The following SCARA5 variants were observed in gnomAD, a reference collection of about 807,000 sequenced individuals.
The protein encoded by SCARA5 is scavenger receptor class A member 5.
In SCARA5, 45 loss-of-function variants were observed where a neutral mutation model predicts 46.3. That is an observed-to-expected ratio of 0.97 (90% CI 0.76 to 1.24). The LOEUF (loss-of-function observed/expected upper bound fraction) is 1.24. Among genes scored for constraint, SCARA5 ranks in the 50% most tolerant of loss-of-function variants. The pLI is 0.00. For missense variants in SCARA5, 680 were observed against 689.0 expected, an observed-to-expected ratio of 0.99 and a Z score of 0.15; for synonymous variants, 333 against 306.5, an observed-to-expected ratio of 1.09 and a Z score of -0.90.
At chr8:27,910,835 G>A (rs1288603930) in intron 4 of SCARA5, among the ~76,000 whole-genome samples, 1 of 152,200 alleles carries the variant, frequency 6.6e-6, no homozygotes, top group Admixed American at 6.5e-5. Context: ...TCTCCCGAGT[G>A]GGGCTGCCCT....
chr8:27,924,029 G>T (rs1807643312), intron 3 of SCARA5, among the ~76,000 whole-genome samples: 1 of 152,166 alleles, frequency 6.6e-6, no homozygotes, highest in African/African-American at 2.4e-5. Context: ...TTAGAATCTA[G>T]CATCCTTGTA....
chr8:27,872,215 A>C, intron 8 of SCARA5, 145 bp from the exon 9 acceptor site: 1 of 712,386 alleles, frequency 1.4e-6, no homozygotes. Flanking sequence ...ACGCCCCCCG[A>C]AGACCTCATA....
chr8:27,906,726 AG>A (rs1478051386), intron 6 of SCARA5, among the ~76,000 whole-genome samples: 1 of 152,200 alleles, frequency 6.6e-6, no homozygotes, highest in Non-Finnish European at 1.5e-5. Flanking sequence ...TTTGTTTTAG[AG>A]ATGAGCTCTT....
intron 6 of SCARA5, among the ~76,000 whole-genome samples, chr8:27,905,263 A>G (rs962168820): frequency 6.6e-6 from 1 of 152,136 alleles, no homozygotes; most frequent in African/African-American, 2.4e-5. Flanking sequence ...ACCATAAAAC[A>G]TAAGTGTGAG....
intron 4 of SCARA5, among the ~76,000 whole-genome samples, chr8:27,913,099 T>G (rs1446271751): frequency 6.6e-6 from 1 of 152,218 alleles, no homozygotes; most frequent in African/African-American, 2.4e-5. Context: ...CAAGCGCACC[T>G]GAAATCACCC....
At chr8:27,966,376 C>T in intron 3 of SCARA5, 38 bp downstream of exon 3, 1 of 1,560,632 alleles carries the variant, frequency 6.4e-7, no homozygotes, top group Non-Finnish European at 8.6e-7. Context: ...CTTCCTTCCT[C>T]ATCCCAAAAG....
intron 2 of SCARA5, among the ~76,000 whole-genome samples, chr8:27,972,351 CA>C (rs1011317773): frequency 5.5e-5 from 8 of 146,128 alleles, no homozygotes; most frequent in African/African-American, 1.5e-4. Flanking sequence ...AAAAACAAAA[CA>C]AAAAAAAACA....
At chr8:27,874,302 C>T (rs1373990656) in intron 8 of SCARA5, among the ~76,000 whole-genome samples, 1 of 152,140 alleles carries the variant, frequency 6.6e-6, no homozygotes, top group Non-Finnish European at 1.5e-5. Context: ...ACTGAGGCCC[C>T]AGAAAGATTG....
intron 2 of SCARA5, among the ~76,000 whole-genome samples, chr8:27,969,526 C>T (rs1036394299): frequency 1.3e-5 from 2 of 152,066 alleles, no homozygotes; most frequent in East Asian, 3.8e-4. Flanking sequence ...AGGCGGAGCA[C>T]GGGGGATTTT....
intron 3 of SCARA5, among the ~76,000 whole-genome samples, chr8:27,934,331 G>A (rs1331135651): frequency 2.6e-5 from 4 of 152,154 alleles, no homozygotes; most frequent in Non-Finnish European, 5.9e-5. Context: ...AGGCAAATGC[G>A]GCCTTGAATC....
At chr8:27,989,829 G>A (rs545998915) in intron 1 of SCARA5, among the ~76,000 whole-genome samples, 5 of 152,320 alleles carry the variant, frequency 3.3e-5, no homozygotes, top group Admixed American at 1.3e-4. Flanking sequence ...AGGTGGGGCC[G>A]CGGGCAGCTC....
At chr8:27,968,293 T>A (rs1808399323) in intron 2 of SCARA5, among the ~76,000 whole-genome samples, 1 of 152,236 alleles carries the variant, frequency 6.6e-6, no homozygotes, top group Admixed American at 6.5e-5. Flanking sequence ...TATTACATAA[T>A]ATTTCCATAA....
At chr8:27,889,921 A>G (rs1212052507) in intron 7 of SCARA5, among the ~76,000 whole-genome samples, 9 of 152,252 alleles carry the variant, frequency 5.9e-5, no homozygotes, top group Non-Finnish European at 1.3e-4. Flanking sequence ...ATGCAGCACT[A>G]AAAATGCATT....
chr8:27,910,020 T>C (rs1807346996), intron 4 of SCARA5, among the ~76,000 whole-genome samples: 1 of 152,066 alleles, frequency 6.6e-6, no homozygotes, highest in Non-Finnish European at 1.5e-5. Flanking sequence ...GTATGTCCCC[T>C]CCCAAAACCA....
intron 3 of SCARA5, among the ~76,000 whole-genome samples, chr8:27,954,029 T>A (rs1208129347): frequency 1.3e-5 from 2 of 152,120 alleles, no homozygotes; most frequent in Non-Finnish European, 2.9e-5. Context: ...ACACTTCCCC[T>A]CCCTGGGCCT....
chr8:27,925,211 G>T (rs1005413245), intron 3 of SCARA5, among the ~76,000 whole-genome samples: 2 of 152,144 alleles, frequency 1.3e-5, no homozygotes, highest in Non-Finnish European at 2.9e-5. Context: ...CAAAGCTGGA[G>T]GCATCATGCT....
At chr8:27,933,309 G>A (rs1371652246) in intron 3 of SCARA5, among the ~76,000 whole-genome samples, 1 of 151,808 alleles carries the variant, frequency 6.6e-6, no homozygotes, top group Non-Finnish European at 1.5e-5. Flanking sequence ...ACCACCTAAG[G>A]TCAGGAGTTC....
At chr8:27,885,127 G>A (rs112753124) in intron 7 of SCARA5, among the ~76,000 whole-genome samples, 1,930 of 152,022 alleles carry the variant, frequency 0.013, 23 homozygotes, top group South Asian at 0.031. Flanking sequence ...TGGACAGGTG[G>A]ACAAGGGAGG....
chr8:27,890,107 G>A (rs1013108324), intron 7 of SCARA5, among the ~76,000 whole-genome samples: 9 of 152,170 alleles, frequency 5.9e-5, no homozygotes, highest in Admixed American at 6.5e-5. Flanking sequence ...TCACTCAAAT[G>A]AACTAAGAGT....
Sources: allele counts gnomAD v4.1 joint callset (sites outside exome capture counted in the v4.1 genomes callset), GRCh38; gene constraint gnomAD v4.1.1; transcripts MANE v1.5; gene names NCBI Gene and HGNC (gene_info 2026-07-23, HGNC 2026-07-21).